SLA: variants seen among roughly 807,000 people sequenced by gnomAD.
The protein encoded by SLA is Src like adaptor.
SLA carries 16 observed loss-of-function variants against 30.3 expected under a neutral mutation model. That is an observed-to-expected ratio of 0.53 (90% CI 0.36 to 0.80). SLA has a LOEUF of 0.80. Ranked by LOEUF, SLA falls within the 30% of genes least tolerant of loss-of-function variation. The probability of loss-of-function intolerance (pLI) is 0.01; values close to 1 mark genes in which losing one functional copy is unlikely to be tolerated. For synonymous variants in SLA, 143 were observed against 137.8 expected (o/e 1.04, Z -0.26); for missense variants, 310 against 345.2 (o/e 0.90, Z 0.81).
chr8:133,096,490 A>G (rs1489435922), intron 1 of SLA: 1 of 1,279,202 alleles, frequency 7.8e-7, no homozygotes. Context: ...ACTGTGTGCA[A>G]TGCCTATGTG....
In SLA at chr8:133,040,073, G is replaced by T; in HGVS notation, c.542C>A (p.Ala181Asp). 6.4e-7 allele frequency: 1 copy of T among 1,557,882 alleles called. No homozygotes were observed. Among genetic ancestry groups the T allele is most frequent in the Non-Finnish European group, 8.7e-7 (1 of 1,150,358 alleles). ...LTTPCLTQST[A>D]APAVRASSSP... Reference sequence around the variant, plus strand: ...GCTGGAGGCCCTCACTGCTGGGGCAGCCGTGCTTTGTGTCAGGCAGGGCGT... The same window carrying T: ...GCTGGAGGCCCTCACTGCTGGGGCATCCGTGCTTTGTGTCAGGCAGGGCGT... The change falls in exon 8 of 9, where the codon GCT (alanine) becomes GAT (aspartate). Residue 181 changes from alanine (A) to aspartate (D), a missense_variant. Ala to Asp is a moderately radical substitution (Grantham distance 126, BLOSUM62 -2). Coordinates refer to ENST00000338087, the MANE Select transcript of SLA (RefSeq NM_001045556.3).
At chr8:133,050,423 T>C (rs1273590192) in intron 4 of SLA, 2 of 252,694 alleles carry the variant, frequency 7.9e-6, no homozygotes, top group Non-Finnish European at 1.5e-5. Context: ...ACTGCAGAGG[T>C]AAGAGGAGAG....
chr8:133,098,472 C>T (rs2131665034), intron 1 of SLA, among the ~76,000 whole-genome samples: 1 of 152,322 alleles, frequency 6.6e-6, no homozygotes, highest in Non-Finnish European at 1.5e-5. Flanking sequence ...GGCCATTGAC[C>T]AGGGACAATT....
chr8:133,061,256 G>A lies in SLA; in HGVS notation c.-40-1056C>T, dbSNP rs867778482. On this transcript the variant is annotated intron_variant, in intron 2 of 8. Transcript: ENST00000338087. ...ACTCCTGATCTCAGGTGATCTACCT[G>A]CCTTGGCCTCCCAATGTGGTGGGAT... Among the ~76,000 whole-genome samples, 28 of 152,288 alleles carry A rather than the reference G, an allele frequency of 1.8e-4. 2 individuals are homozygous for A. The highest frequency in any genetic ancestry group is 6.8e-3 in the Middle Eastern group (2 of 294).
intron 2 of SLA, among the ~76,000 whole-genome samples, chr8:133,067,462 C>T (rs1167314222): frequency 6.6e-6 from 1 of 152,156 alleles, no homozygotes; most frequent in Admixed American, 6.5e-5. Flanking sequence ...CAGAGGCCCT[C>T]AGAAACCCCT....
intron 7 of SLA, among the ~76,000 whole-genome samples, chr8:133,042,263 C>A (rs546207306): frequency 6.6e-6 from 1 of 152,178 alleles, no homozygotes; most frequent in African/African-American, 2.4e-5. Flanking sequence ...TGGGTTCAGA[C>A]CCCCTGGTCT....
intron 3 of SLA, chr8:133,059,298 C>A (rs1335232376): frequency 1.4e-5 from 5 of 366,106 alleles, no homozygotes; most frequent in Non-Finnish European, 2.7e-5. Context: ...TTCCCAAGAC[C>A]CCACAATATG....
At position 133,038,473 on chromosome 8, in the gene SLA, T is replaced by C. The variant is rs769676218; in HGVS notation, c.*51A>G. On this transcript the variant is annotated 3_prime_UTR_variant, in exon 9 of 9. Transcript: ENST00000338087. ...TCGCTTTTCGCAAGATCCCAGGCAA[T>C]AGTTGGAACTTCTGTTCCTTTTGGG... is the stretch of plus-strand genomic sequence containing the variant. 2.2e-6 allele frequency: 3 copies of C among 1,395,096 alleles called. No individual in the cohort carries two copies. The highest frequency in any genetic ancestry group is 1.2e-5 in the South Asian group (1 of 86,466). The allele number at this position is 1,395,096 out of a possible 1,614,324, so 86.4% of individuals were successfully genotyped here. A position where few individuals can be genotyped will look rare whatever the true frequency, so the allele number is the denominator to read the frequency against.
At chr8:133,085,599 C>G (rs1469644249) in intron 1 of SLA, among the ~76,000 whole-genome samples, 1 of 152,014 alleles carries the variant, frequency 6.6e-6, no homozygotes. Context: ...ATAAGCATAG[C>G]AAAAGATTCT....
At chr8:133,059,584 C>T (rs866352794) in intron 3 of SLA, among the ~76,000 whole-genome samples, 4 of 152,012 alleles carry the variant, frequency 2.6e-5, no homozygotes, top group Middle Eastern at 3.2e-3. Context: ...TGCAATCCCA[C>T]CAATGGGACA....
chr8:133,096,387 G>T lies in SLA; in HGVS notation c.-319+6166C>A, dbSNP rs776480497. On this transcript the variant is annotated intron_variant, in intron 1 of 8. Transcript: ENST00000338087. ...AAGGCTGTGAAGGTAAGCAGGGAGG[G>T]GGCCTCGGATGTCTCCAGCTGGGCA... 1.2e-6 allele frequency: 2 copies of T among 1,614,090 alleles called. No individual in the cohort carries two copies. The highest frequency in any genetic ancestry group is 1.7e-6 in the Non-Finnish European group (2 of 1,179,962).
At chr8:133,093,623 A>C (rs1020611858) in intron 1 of SLA, among the ~76,000 whole-genome samples, 2 of 151,948 alleles carry the variant, frequency 1.3e-5, no homozygotes, top group Non-Finnish European at 2.9e-5. Flanking sequence ...AATTCCATGC[A>C]CTTGTGTTTT....
intron 2 of SLA, among the ~76,000 whole-genome samples, chr8:133,067,629 A>G (rs796068343): frequency 8.5e-5 from 13 of 152,178 alleles, no homozygotes; most frequent in African/African-American, 3.1e-4. Context: ...TGCAAAAATT[A>G]GCTGGGTGTG....
chr8:133,085,935 C>A (rs1017081449), intron 1 of SLA, among the ~76,000 whole-genome samples: 10 of 152,144 alleles, frequency 6.6e-5, no homozygotes, highest in South Asian at 6.2e-4. Context: ...TTCACAACAG[C>A]ATTATTCATA....
chr8:133,060,255 G>A, intron 2 of SLA, 55 bp from the exon 3 acceptor site: 1 of 1,610,512 alleles, frequency 6.2e-7, no homozygotes, highest in Non-Finnish European at 8.5e-7. Context: ...CCCTCCAAGT[G>A]GAGAATGACC....
intron 1 of SLA, among the ~76,000 whole-genome samples, chr8:133,092,425 G>A (rs1012821267): frequency 6.6e-6 from 1 of 152,216 alleles, no homozygotes; most frequent in African/African-American, 2.4e-5. Context: ...TTTAGATAAA[G>A]CCGGAGCCCA....
intron 2 of SLA, among the ~76,000 whole-genome samples, chr8:133,070,737 A>G (rs978205925): frequency 2.6e-5 from 4 of 152,162 alleles, no homozygotes; most frequent in African/African-American, 9.7e-5. Context: ...ATGCTCTAAG[A>G]GCTGGGTCTG....
intron 2 of SLA, among the ~76,000 whole-genome samples, chr8:133,069,863 G>C (rs531899246): frequency 6.6e-6 from 1 of 151,746 alleles, no homozygotes; most frequent in Non-Finnish European, 1.5e-5. Flanking sequence ...TCAGCTGGGC[G>C]TGGTGGCAGG....
At chr8:133,074,517 C>T (rs551641490) in intron 2 of SLA, among the ~76,000 whole-genome samples, 1 of 152,216 alleles carries the variant, frequency 6.6e-6, no homozygotes, top group Non-Finnish European at 1.5e-5. Flanking sequence ...ATGAGTCCCT[C>T]AAGGTCGCAC....
Sources: allele counts gnomAD v4.1 joint callset (sites outside exome capture counted in the v4.1 genomes callset), GRCh38; gene constraint gnomAD v4.1.1; transcripts MANE v1.5; gene names NCBI Gene and HGNC (gene_info 2026-07-23, HGNC 2026-07-21).